Variants in BRINP1 observed in about 807,000 individuals in gnomAD.
BRINP1 encodes BMP/retinoic acid-inducible neural-specific protein 1.
Under a neutral mutation model 72.9 loss-of-function variants are expected in BRINP1, and 17 were observed. The ratio of observed to expected loss-of-function variants is 0.23; its 90% CI spans 0.16 to 0.35. The LOEUF (loss-of-function observed/expected upper bound fraction) is 0.35. Ranked by LOEUF, BRINP1 falls within the 10% of genes least tolerant of loss-of-function variation. The pLI is 1.00. For synonymous variants in BRINP1, 418 were observed against 378.5 expected (o/e 1.10, Z -1.21); for missense variants, 850 against 1,001.6 (o/e 0.85, Z 2.04).
rs138353313 is a variant in BRINP1, at chr9:119,304,369, G to A, written c.218+8769C>T. Among the ~76,000 whole-genome samples the A allele has an allele frequency of 9.1e-3, 1,390 of 152,262 alleles. 11 individuals are homozygous for A. The highest frequency in any genetic ancestry group is 0.015 in the Non-Finnish European group (1,019 of 68,024). On this transcript the variant is annotated intron_variant, in intron 2 of 7. Transcript: ENST00000265922. ...GTCTAAAGACTTGCTAACCTATAGC[G>A]ACCATTGTATGGTTCACAAAAGGTT...
intron 5 of BRINP1, among the ~76,000 whole-genome samples, chr9:119,226,536 C>A (rs1830093774): frequency 1.3e-5 from 2 of 151,970 alleles, no homozygotes. Context: ...GCTTAGAATT[C>A]TTTACTCCTT....
At chr9:119,348,325 C>T (rs1831469370) in intron 1 of BRINP1, among the ~76,000 whole-genome samples, 1 of 152,140 alleles carries the variant, frequency 6.6e-6, no homozygotes, top group African/African-American at 2.4e-5. Flanking sequence ...AATAATATCC[C>T]CTTGTCTAGA....
Position 119,255,954 on chromosome 9 carries a change from CAAAAAAAAAA to C in BRINP1, c.219-6814_219-6805del, listed in dbSNP as rs58972395. On this transcript the variant is annotated intron_variant, in intron 2 of 7. Transcript: ENST00000265922. ...CGGGCAACGGAGCAAGACTCCAGCT[CAAAAAAAAAA>C]AAAAAAAAAAAAAAAAAAACACGAG... Among the ~76,000 whole-genome samples, 59 of 53,494 alleles carry C rather than the reference CAAAAAAAAAA, an allele frequency of 1.1e-3. 1 individual carries two copies. The East Asian group carries it at 0.031, about 28-fold the overall frequency. 35.1% of individuals were successfully genotyped at this position (53,494 alleles called of 152,430 possible).
At chr9:119,343,454 C>G (rs1379867687) in intron 1 of BRINP1, among the ~76,000 whole-genome samples, 3 of 152,196 alleles carry the variant, frequency 2.0e-5, no homozygotes, top group Non-Finnish European at 4.4e-5. Flanking sequence ...ACTACTTTCA[C>G]TACACTTACA....
intron 7 of BRINP1, among the ~76,000 whole-genome samples, chr9:119,190,461 A>C (rs1829672271): frequency 6.6e-6 from 1 of 151,828 alleles, no homozygotes; most frequent in Non-Finnish European, 1.5e-5. Context: ...CAGAAATGAA[A>C]GTGGAGACAC....
At chr9:119,279,902 G>A (rs1258947925) in intron 2 of BRINP1, among the ~76,000 whole-genome samples, 1 of 152,110 alleles carries the variant, frequency 6.6e-6, no homozygotes, top group Non-Finnish European at 1.5e-5. Flanking sequence ...CAAAATTAAT[G>A]AGGCTTATAA....
chr9:119,285,092 A>G (rs1353383684), intron 2 of BRINP1, among the ~76,000 whole-genome samples: 1 of 151,926 alleles, frequency 6.6e-6, no homozygotes, highest in Non-Finnish European at 1.5e-5. Context: ...CCTGCCACTG[A>G]GAAATGCATC....
intron 7 of BRINP1, among the ~76,000 whole-genome samples, chr9:119,186,371 C>T (rs1299314944): frequency 6.6e-6 from 1 of 152,146 alleles, no homozygotes; most frequent in Non-Finnish European, 1.5e-5. Flanking sequence ...TTTCTGGATG[C>T]CTGAAGTAAC....
chr9:119,169,727 T>C lies in BRINP1; in HGVS notation c.1146-1503A>G, dbSNP rs1013350389. On this transcript the variant is annotated intron_variant, in intron 7 of 7. Coordinates refer to ENST00000265922, the MANE Select transcript of BRINP1 (RefSeq NM_014618.3). ...CAGTAACCTCTGCAGACTTAAATGT[T>C]CCTGTCTGACAGCTTTGAAGAGAGC... Among the ~76,000 whole-genome samples, 46 of 152,300 alleles carry C rather than the reference T, an allele frequency of 3.0e-4. No homozygotes were observed. In the South Asian group the frequency reaches 7.0e-3, roughly 23 times the overall value.
At chr9:119,356,581 T>A (rs1360916576) in intron 1 of BRINP1, among the ~76,000 whole-genome samples, 2 of 152,062 alleles carry the variant, frequency 1.3e-5, no homozygotes, top group Non-Finnish European at 2.9e-5. Context: ...GATGGGTGGA[T>A]CACCTGAGGT....
At chr9:119,336,957 C>G (rs1017304366) in intron 1 of BRINP1, among the ~76,000 whole-genome samples, 3 of 152,008 alleles carry the variant, frequency 2.0e-5, no homozygotes, top group Middle Eastern at 3.2e-3. Context: ...GATGGGGAAG[C>G]CTTTTCTTTA....
At chr9:119,258,615 C>T (rs1221128) in intron 2 of BRINP1, among the ~76,000 whole-genome samples, 28,759 of 152,066 alleles carry the variant, frequency 0.19, 2,927 homozygotes, top group Admixed American at 0.24. Flanking sequence ...AAAACTGAGG[C>T]CCATAGAGAG....
chr9:119,229,987 A>G (rs1830131429), intron 5 of BRINP1, among the ~76,000 whole-genome samples: 1 of 151,982 alleles, frequency 6.6e-6, no homozygotes, highest in South Asian at 2.1e-4. Flanking sequence ...TAAAAGGATG[A>G]TGATACTATT....
intron 2 of BRINP1, among the ~76,000 whole-genome samples, chr9:119,294,898 G>A (rs886579467): frequency 6.7e-6 from 1 of 149,350 alleles, no homozygotes; most frequent in African/African-American, 2.5e-5. Flanking sequence ...AAGGTAGCAC[G>A]TGTTCATGAA....
At chr9:119,242,428 C>A (rs757317011) in intron 3 of BRINP1, among the ~76,000 whole-genome samples, 10 of 152,160 alleles carry the variant, frequency 6.6e-5, no homozygotes, top group African/African-American at 9.7e-5. Flanking sequence ...CATTAAAAAA[C>A]CCCCAACAAT....
intron 1 of BRINP1, among the ~76,000 whole-genome samples, chr9:119,355,597 T>C (rs778632028): frequency 4.5e-4 from 68 of 151,914 alleles, no homozygotes; most frequent in Admixed American, 1.1e-3. Context: ...GGCGTGGTGG[T>C]GGGTGCCTGT....
At chr9:119,332,556 G>A (rs1161797904) in intron 1 of BRINP1, among the ~76,000 whole-genome samples, 2 of 152,186 alleles carry the variant, frequency 1.3e-5, no homozygotes, top group Non-Finnish European at 2.9e-5. Flanking sequence ...AAGTGATGGT[G>A]TGTCAGTTCT....
chr9:119,286,889 T>C (rs962916739), intron 2 of BRINP1, among the ~76,000 whole-genome samples: 5 of 152,190 alleles, frequency 3.3e-5, no homozygotes, highest in African/African-American at 9.7e-5. Context: ...TAAAAAATGA[T>C]AAGCAACTGC....
intron 7 of BRINP1, among the ~76,000 whole-genome samples, chr9:119,198,672 A>ATT (rs35233721): frequency 6.8e-6 from 1 of 146,458 alleles, no homozygotes; most frequent in Non-Finnish European, 1.5e-5. Context: ...GAAAATATTA[A>ATT]TTTTTTTTTT....
Sources: allele counts gnomAD v4.1 joint callset (sites outside exome capture counted in the v4.1 genomes callset), GRCh38; gene constraint gnomAD v4.1.1; transcripts MANE v1.5; gene names NCBI Gene and HGNC (gene_info 2026-07-23, HGNC 2026-07-21).